Variants in SLC25A21 observed in about 807,000 individuals in gnomAD.
SLC25A21 encodes solute carrier family 25 member 21.
A neutral mutation model predicts 43.8 loss-of-function variants in SLC25A21; 47 were observed. The observed-to-expected ratio is 1.07, with a 90% CI of 0.85 to 1.37. The LOEUF (loss-of-function observed/expected upper bound fraction) is 1.37. Ranked by LOEUF, SLC25A21 falls within the 40% of genes most tolerant of loss-of-function variation. The pLI, the probability that SLC25A21 is intolerant of heterozygous loss-of-function variation, is 0.00. For synonymous variants in SLC25A21, 131 were observed against 121.3 expected (o/e 1.08, Z -0.52); for missense variants, 352 against 350.2 (o/e 1.00, Z -0.04).
chr14:37,063,161 G>C (rs148457598), intron 1 of SLC25A21, among the ~76,000 whole-genome samples: 1 of 151,960 alleles, frequency 6.6e-6, no homozygotes, highest in Non-Finnish European at 1.5e-5. Context: ...TACCTCCACC[G>C]GGTCCCTCTC....
At chr14:36,844,160 G>C (rs1156802291) in intron 2 of SLC25A21, among the ~76,000 whole-genome samples, 1 of 152,198 alleles carries the variant, frequency 6.6e-6, no homozygotes, top group Non-Finnish European at 1.5e-5. Flanking sequence ...AAAGTCAGCT[G>C]TTTCAAAGGC....
At chr14:37,076,677 G>C (rs1459604268) in intron 1 of SLC25A21, among the ~76,000 whole-genome samples, 2 of 151,594 alleles carry the variant, frequency 1.3e-5, no homozygotes, top group African/African-American at 2.4e-5. Flanking sequence ...TAGTAGAGAC[G>C]GGGTTTCACC....
Position 36,781,942 on chromosome 14 carries a change from C to T in SLC25A21, c.203+31976G>A, listed in dbSNP as rs531754073. Among the ~76,000 whole-genome samples, 10 of 152,114 alleles carry T rather than the reference C, an allele frequency of 6.6e-5. No individual in the cohort carries two copies. In the South Asian group the frequency reaches 1.9e-3, roughly 28 times the overall value. On this transcript the variant is annotated intron_variant, in intron 3 of 9. Coordinates refer to ENST00000331299, the MANE Select transcript of SLC25A21 (RefSeq NM_030631.4). ...AGACAGATCGGGTGGTGATGAAATC[C>T]TTTGGCTTTCACCTGAGAAAGTCTT...
intron 2 of SLC25A21, among the ~76,000 whole-genome samples, chr14:36,839,662 T>C (rs1000325437): frequency 6.6e-5 from 10 of 152,340 alleles, no homozygotes; most frequent in African/African-American, 2.4e-4. Context: ...TCTGCAGTCA[T>C]GTTACTTAAT....
intron 1 of SLC25A21, among the ~76,000 whole-genome samples, chr14:37,163,289 A>T: frequency 9.0e-6 from 1 of 111,194 alleles, no homozygotes; most frequent in Admixed American, 1.1e-4. Context: ...CTTAAAGTAT[A>T]ATAATAATAA....
chr14:36,825,612 T>C (rs1048193510), intron 2 of SLC25A21, among the ~76,000 whole-genome samples: 1 of 152,240 alleles, frequency 6.6e-6, no homozygotes, highest in African/African-American at 2.4e-5. Context: ...TTTAATTTTG[T>C]AAAATGCTGA....
At chr14:36,894,704 G>A (rs1891186066) in intron 1 of SLC25A21, among the ~76,000 whole-genome samples, 1 of 152,126 alleles carries the variant, frequency 6.6e-6, no homozygotes, top group South Asian at 2.1e-4. Context: ...ATTATTTTGA[G>A]ATACTTCCCA....
chr14:36,850,116 A>G (rs1195522282), intron 2 of SLC25A21, among the ~76,000 whole-genome samples: 1 of 152,140 alleles, frequency 6.6e-6, no homozygotes, highest in East Asian at 1.9e-4. Flanking sequence ...TCCCTTCCAG[A>G]GGAAGAGATG....
chr14:36,966,707 A>C (rs945118599), intron 1 of SLC25A21, among the ~76,000 whole-genome samples: 1 of 152,214 alleles, frequency 6.6e-6, no homozygotes, highest in Non-Finnish European at 1.5e-5. Context: ...CGCAGTCTAA[A>C]GAAAAGTTAG....
At chr14:36,828,111 CTTCTGGGACCATGTGAGGT>C (rs1888903093) in intron 2 of SLC25A21, among the ~76,000 whole-genome samples, 1 of 6,682 alleles carries the variant, frequency 1.5e-4, no homozygotes, top group South Asian at 0.012. Context: ...AATGTGAGGT[CTTCTGGGACCATGTGAGGT>C]CTTCTGGAAC....
rs71449974 is a variant in SLC25A21 at position 37,170,043 on chromosome 14, CT to C, written c.70+2237del. Among the ~76,000 whole-genome samples, 54 of 147,488 alleles carry C rather than the reference CT, an allele frequency of 3.7e-4. 1 individual carries two copies. Among genetic ancestry groups the C allele is most frequent in the South Asian group, 2.8e-3 (13 of 4,674 alleles). On this transcript the variant is annotated intron_variant, in intron 1 of 9. Coordinates refer to ENST00000331299, the MANE Select transcript of SLC25A21 (RefSeq NM_030631.4). Reference sequence around the variant, plus strand: ...ATAAGTAGGATCAGAGTTTGATCTACTTTTTTTTTTTGAGACCGAGTCTCGC... The same window carrying C: ...ATAAGTAGGATCAGAGTTTGATCTACTTTTTTTTTTGAGACCGAGTCTCGC...
chr14:37,079,364 G>A (rs1962342688), intron 1 of SLC25A21, among the ~76,000 whole-genome samples: 1 of 152,016 alleles, frequency 6.6e-6, no homozygotes, highest in African/African-American at 2.4e-5. Context: ...TTTCCCTAAT[G>A]CTCCTTGTCT....
intron 1 of SLC25A21, among the ~76,000 whole-genome samples, chr14:37,058,158 G>T (rs1265777072): frequency 6.6e-6 from 1 of 152,142 alleles, no homozygotes; most frequent in Non-Finnish European, 1.5e-5. Flanking sequence ...ATTGTTTTCT[G>T]CACTTATTCA....
At chr14:37,063,415 G>A (rs1323859038) in intron 1 of SLC25A21, among the ~76,000 whole-genome samples, 3 of 151,916 alleles carry the variant, frequency 2.0e-5, no homozygotes, top group Admixed American at 6.6e-5. Context: ...CAGGAAAATC[G>A]CTTGAACCCA....
At chr14:36,978,818 C>T (rs942654690) in intron 1 of SLC25A21, among the ~76,000 whole-genome samples, 5 of 152,138 alleles carry the variant, frequency 3.3e-5, no homozygotes, top group East Asian at 3.9e-4. Flanking sequence ...AGCCATTCAC[C>T]GACTCTAAAT....
chr14:37,152,401 T>TTTTTTCA (rs1963773682), intron 1 of SLC25A21, among the ~76,000 whole-genome samples: 1 of 151,550 alleles, frequency 6.6e-6, no homozygotes. Context: ...TTTTTTTTTT[T>TTTTTTCA]GACAGAGTCT....
At chr14:36,912,238 C>T (rs1450312633) in intron 1 of SLC25A21, among the ~76,000 whole-genome samples, 2 of 152,208 alleles carry the variant, frequency 1.3e-5, no homozygotes, top group South Asian at 2.1e-4. Context: ...TTAGCAGTTA[C>T]TGCACAAATA....
At chr14:36,689,585 C>T (rs942041769) in intron 7 of SLC25A21, among the ~76,000 whole-genome samples, 1 of 152,174 alleles carries the variant, frequency 6.6e-6, no homozygotes, top group Non-Finnish European at 1.5e-5. Context: ...GGCAATCCAC[C>T]TAAGTGAAAT....
chr14:37,026,698 G>A lies in SLC25A21; in HGVS notation c.70+145583C>T, dbSNP rs183800786. ...GCTGCAAAATGCTATTATGTATTGTGACAGTCTAAAAAAGTATTTACAAAA... is the reference window on the plus strand; with the variant it reads ...GCTGCAAAATGCTATTATGTATTGTAACAGTCTAAAAAAGTATTTACAAAA... On this transcript the variant is annotated intron_variant, in intron 1 of 9. Coordinates refer to ENST00000331299, the MANE Select transcript of SLC25A21 (RefSeq NM_030631.4). 1.0e-3 allele frequency among the ~76,000 whole-genome samples: 155 copies of A among 152,214 alleles called. 1 individual carries two copies. The highest frequency in any genetic ancestry group is 1.2e-4 in the Non-Finnish European group (8 of 67,998).
Sources: allele counts gnomAD v4.1 joint callset (sites outside exome capture counted in the v4.1 genomes callset), GRCh38; gene constraint gnomAD v4.1.1; transcripts MANE v1.5; gene names NCBI Gene and HGNC (gene_info 2026-07-23, HGNC 2026-07-21).